The following DGKH variants were observed in gnomAD, a reference collection of about 807,000 sequenced individuals.
DGKH encodes the protein diacylglycerol kinase eta, also known as DAG kinase eta.
DGKH carries 90 observed loss-of-function variants against 159.3 expected under a neutral mutation model. The observed-to-expected ratio is 0.57, with a 90% CI of 0.48 to 0.67. The LOEUF (loss-of-function observed/expected upper bound fraction) is 0.67. DGKH is among the 30% of genes least tolerant of loss of function. The pLI, the probability that DGKH is intolerant of heterozygous loss-of-function variation, is 0.00. For synonymous variants in DGKH, 536 were observed against 553.8 expected (o/e 0.97, Z 0.45); for missense variants, 1,181 against 1,506.1 (o/e 0.78, Z 3.57).
chr13:42,112,296 T>TTC (rs1275628079), intron 1 of DGKH, among the ~76,000 whole-genome samples: 5 of 150,810 alleles, frequency 3.3e-5, no homozygotes, highest in Non-Finnish European at 5.9e-5. Flanking sequence ...TTTTTTTTTT[T>TTC]TTTTTGACTT....
intron 18 of DGKH, among the ~76,000 whole-genome samples, chr13:42,199,335 A>G (rs768595790): frequency 2.0e-5 from 3 of 152,210 alleles, no homozygotes; most frequent in Non-Finnish European, 2.9e-5. Flanking sequence ...AGAAAATCAC[A>G]CCATAACTGT....
At chr13:42,066,981 A>C (rs1762319468) in intron 1 of DGKH, among the ~76,000 whole-genome samples, 2 of 152,062 alleles carry the variant, frequency 1.3e-5, no homozygotes, top group Admixed American at 1.3e-4. Context: ...ATAACATATA[A>C]CATGTGATGT....
chr13:42,194,806 A>T (rs114818362), intron 16 of DGKH, 79 bp from the exon 17 acceptor site: 1 of 1,451,214 alleles, frequency 6.9e-7, no homozygotes, highest in African/African-American at 1.4e-5. Flanking sequence ...ACATTATTTT[A>T]TGTTTTAAAT....
intron 1 of DGKH, among the ~76,000 whole-genome samples, chr13:42,123,382 T>C (rs1423518674): frequency 6.6e-6 from 1 of 152,202 alleles, no homozygotes; most frequent in East Asian, 1.9e-4. Context: ...TTAATAGTCA[T>C]GCATGTGCAA....
chr13:42,214,119 C>T (rs347418), intron 24 of DGKH, among the ~76,000 whole-genome samples: 71,362 of 151,992 alleles, frequency 0.47, 18,086 homozygotes, highest in African/African-American at 0.66. Flanking sequence ...TGGTAATGCT[C>T]TTCCCTAATC....
chr13:42,073,529 G>T (rs1433588257), intron 1 of DGKH, among the ~76,000 whole-genome samples: 3 of 152,180 alleles, frequency 2.0e-5, no homozygotes, highest in Non-Finnish European at 4.4e-5. Context: ...ATCCAACACT[G>T]TATTATAAAA....
At chr13:42,135,785 C>T (rs962831621) in intron 3 of DGKH, among the ~76,000 whole-genome samples, 1 of 152,148 alleles carries the variant, frequency 6.6e-6, no homozygotes, top group African/African-American at 2.4e-5. Context: ...GGAAAGGGCT[C>T]CCAGACCTCC....
chr13:42,068,152 ATTC>A (rs1352387020), intron 1 of DGKH, among the ~76,000 whole-genome samples: 15 of 152,204 alleles, frequency 9.9e-5, no homozygotes, highest in Non-Finnish European at 1.5e-4. Context: ...ACTGACATAG[ATTC>A]GGCTAGGTAG....
intron 24 of DGKH, among the ~76,000 whole-genome samples, chr13:42,213,367 A>C (rs1566199895): frequency 6.6e-6 from 1 of 152,212 alleles, no homozygotes. Flanking sequence ...AGTAGGTATT[A>C]GAAGGAAAAT....
chr13:42,162,045 CT>C (rs1250326839), intron 7 of DGKH, among the ~76,000 whole-genome samples: 1 of 152,132 alleles, frequency 6.6e-6, no homozygotes, highest in Non-Finnish European at 1.5e-5. Flanking sequence ...GATGCCTTTT[CT>C]CTCGTTTTTC....
chr13:42,202,287 G>T (rs904354573), intron 20 of DGKH, among the ~76,000 whole-genome samples: 1 of 152,180 alleles, frequency 6.6e-6, no homozygotes, highest in Non-Finnish European at 1.5e-5. Flanking sequence ...GAAGGCCGTT[G>T]TCTAAAAATT....
chr13:42,174,103 T>A lies in DGKH; in HGVS notation c.1411T>A (p.Ser471Thr). The A allele has an allele frequency of 1.9e-6, 3 of 1,613,838 alleles. No homozygotes were observed. The highest frequency in any genetic ancestry group is 2.5e-6 in the Non-Finnish European group (3 of 1,179,958). Reference sequence around the variant, plus strand: ...TGAACTCAAATTGCCACCAAAAGCTTCCCTACTTCCAGGACCTCCAGAAGC... The same window carrying A: ...TGAACTCAAATTGCCACCAAAAGCTACCCTACTTCCAGGACCTCCAGAAGC... ...TYELKLPPKASLLPGPPEASE... is the reference protein window; with the variant it reads ...TYELKLPPKATLLPGPPEASE... The change falls in exon 12 of 30, where the codon TCC becomes ACC. Residue 471 changes from serine (S) to threonine (T), a missense_variant. Around this residue, in one of 5 missense-constraint regions of DGKH, gnomAD observed 369 missense variants for 519.4 expected, o/e 0.71. Coordinates refer to ENST00000337343, the MANE Select transcript of DGKH (RefSeq NM_178009.5).
chr13:42,096,149 G>C (rs374059949), intron 1 of DGKH, among the ~76,000 whole-genome samples: 4 of 151,952 alleles, frequency 2.6e-5, no homozygotes, highest in African/African-American at 9.7e-5. Flanking sequence ...TGTTACCCGG[G>C]TATATTGTGG....
chr13:42,156,331 C>T (rs556509520), intron 5 of DGKH, among the ~76,000 whole-genome samples: 1 of 152,278 alleles, frequency 6.6e-6, no homozygotes, highest in East Asian at 1.9e-4. Flanking sequence ...CAGCCTCAGC[C>T]TCCTGGGCTC....
At chr13:42,155,180 T>G in intron 3 of DGKH, 111 bp from the exon 4 acceptor site, 1 of 843,664 alleles carries the variant, frequency 1.2e-6, no homozygotes, top group Non-Finnish European at 1.8e-6. Context: ...TACAAAAACG[T>G]AAGAAATAAA....
At chr13:42,224,213 G>A (rs962010376) in intron 29 of DGKH, among the ~76,000 whole-genome samples, 1 of 152,082 alleles carries the variant, frequency 6.6e-6, no homozygotes, top group Non-Finnish European at 1.5e-5. Flanking sequence ...AGCAACTCTT[G>A]AGCTCCTATT....
chr13:42,063,145 T>A (rs1882304083), intron 1 of DGKH, among the ~76,000 whole-genome samples: 1 of 152,230 alleles, frequency 6.6e-6, no homozygotes, highest in South Asian at 2.1e-4. Flanking sequence ...TGGGAACACT[T>A]GAAAATCCTG....
intron 23 of DGKH, among the ~76,000 whole-genome samples, chr13:42,210,371 G>A (rs1053054892): frequency 4.6e-5 from 7 of 151,850 alleles, no homozygotes; most frequent in African/African-American, 1.5e-4. Context: ...TGATTGTCCC[G>A]CCTTGACCTA....
chr13:42,244,732 G>T (rs893575830), downstream of DGKH, among the ~76,000 whole-genome samples: 3 of 151,158 alleles, frequency 2.0e-5, no homozygotes, highest in Non-Finnish European at 4.4e-5. Context: ...GGGAAACCCC[G>T]TCTCTACTAA....
Sources: allele counts gnomAD v4.1 joint callset (sites outside exome capture counted in the v4.1 genomes callset), GRCh38; gene constraint gnomAD v4.1.1; regional missense constraint gnomAD v4.1.1; transcripts MANE v1.5; gene names NCBI Gene and HGNC (gene_info 2026-07-23, HGNC 2026-07-21).